TTC34: variants seen among roughly 807,000 people sequenced by gnomAD.
TTC34 encodes tetratricopeptide repeat protein 34.
A neutral mutation model predicts 40.7 loss-of-function variants in TTC34; 44 were observed. The observed-to-expected ratio is 1.08, with a 90% CI of 0.85 to 1.39. The LOEUF (loss-of-function observed/expected upper bound fraction) is 1.39, where lower values mean the gene tolerates loss of function less well. TTC34 is among the 40% of genes most tolerant of loss of function. The pLI, the probability that TTC34 is intolerant of heterozygous loss-of-function variation, is 0.00. For missense variants in TTC34, 884 were observed against 838.0 expected (o/e 1.05, Z -0.68); for synonymous variants, 422 against 398.6 (o/e 1.06, Z -0.70).
At chr1:2,775,589 C>T (rs1345243946) in intron 6 of TTC34, 1 of 148,770 alleles carries the variant, frequency 6.7e-6, no homozygotes, top group Non-Finnish European at 1.5e-5. Flanking sequence ...GGACAGCACC[C>T]CCACTCACAG....
chr1:2,752,355 G>C (rs1393498917), intron 6 of TTC34, among the ~76,000 whole-genome samples: 1 of 128,726 alleles, frequency 7.8e-6, no homozygotes. Context: ...CTGACCGCCT[G>C]GAACAGCACC....
intron 6 of TTC34, among the ~76,000 whole-genome samples, chr1:2,683,234 C>T (rs1158826657): frequency 6.7e-6 from 1 of 148,828 alleles, no homozygotes; most frequent in Non-Finnish European, 1.5e-5. Context: ...CCCACACCCC[C>T]AAGTGAGCAT....
chr1:2,652,059 T>C (rs1205110561), intron 6 of TTC34, among the ~76,000 whole-genome samples: 5 of 54,366 alleles, frequency 9.2e-5, no homozygotes, highest in African/African-American at 1.3e-4. Flanking sequence ...GGTGAGCATC[T>C]GACAGCCTGG....
At chr1:2,786,817 C>A (rs1396117819) in intron 4 of TTC34, among the ~76,000 whole-genome samples, 1 of 152,198 alleles carries the variant, frequency 6.6e-6, no homozygotes, top group Admixed American at 6.5e-5. Flanking sequence ...CTGCTGGCTG[C>A]TGGTGGGCAC....
chr1:2,791,880 G>A (rs1394502703), intron 2 of TTC34, among the ~76,000 whole-genome samples: 1 of 151,568 alleles, frequency 6.6e-6, no homozygotes, highest in East Asian at 1.9e-4. Context: ...CCCAGCCTCT[G>A]TTCATTTTTC....
intron 6 of TTC34, among the ~76,000 whole-genome samples, chr1:2,754,785 G>T (rs1641450096): frequency 6.6e-6 from 1 of 151,606 alleles, no homozygotes. Context: ...ACACCCACAG[G>T]TGAGCATCTG....
At chr1:2,652,165 C>T (rs1428091441) in intron 6 of TTC34, among the ~76,000 whole-genome samples, 1 of 145,972 alleles carries the variant, frequency 6.9e-6, no homozygotes, top group Non-Finnish European at 1.5e-5. Flanking sequence ...CAACCCACAC[C>T]CCCAGGTGAG....
exon 3 of TTC34, chr1:2,790,252 G>A: frequency 2.5e-6 from 1 of 398,464 alleles, no homozygotes; most frequent in Non-Finnish European, 4.4e-6. Flanking sequence ...TCTCGCGGAA[G>A]GCCTCCTGCA....
intron 6 of TTC34, among the ~76,000 whole-genome samples, chr1:2,675,160 C>A (rs1168155596): frequency 1.9e-4 from 16 of 86,146 alleles, no homozygotes; most frequent in South Asian, 1.0e-3. Flanking sequence ...AGCACCCACA[C>A]CCCCAGGGGA....
chr1:2,748,920 C>A lies in TTC34; in HGVS notation c.2226+34689G>T, dbSNP rs1220105629. Among the ~76,000 whole-genome samples the A allele has an allele frequency of 9.0e-5, 8 of 88,862 alleles. 2 individuals carry two copies. Among genetic ancestry groups the A allele is most frequent in the Admixed American group, 3.4e-4 (3 of 8,734 alleles). 58.3% of individuals were successfully genotyped at this position (88,862 alleles called of 152,430 possible). A position where few individuals can be genotyped will look rare whatever the true frequency, so the allele number is the denominator to read the frequency against. ...CTGACAGCCTGGAACAGAACCCACA[C>A]CGCCAGGGGAGTATCTGACAGACTG... On this transcript the variant is annotated intron_variant, in intron 6 of 8. Coordinates refer to ENST00000401095, the Ensembl canonical transcript of TTC34.
At chr1:2,684,750 C>A (rs1253335647) in intron 6 of TTC34, among the ~76,000 whole-genome samples, 3 of 117,908 alleles carry the variant, frequency 2.5e-5, no homozygotes, top group African/African-American at 3.8e-5. Context: ...TGGAACAGCA[C>A]CAAAAACCCC....
intron 6 of TTC34, among the ~76,000 whole-genome samples, chr1:2,682,879 A>G (rs1231295077): frequency 6.3e-4 from 71 of 112,314 alleles, no homozygotes; most frequent in South Asian, 1.9e-3. Context: ...CGCCCAGATG[A>G]GCATCTGACA....
intron 6 of TTC34, among the ~76,000 whole-genome samples, chr1:2,750,207 C>A (rs1443862728): frequency 3.4e-5 from 5 of 149,006 alleles, no homozygotes; most frequent in Non-Finnish European, 3.0e-5. Flanking sequence ...CCCACACCCC[C>A]AGGTGCGCAT....
At chr1:2,784,970 CACTCTGGGCCGCTCTGGGCT>C (rs1354099926) in intron 5 of TTC34, among the ~76,000 whole-genome samples, 30 of 141,088 alleles carry the variant, frequency 2.1e-4, no homozygotes, top group African/African-American at 6.9e-4. Flanking sequence ...TGCTCTGGGC[CACTCTGGGCCGCTCTGGGCT>C]GCTCTGGGCC....
At chr1:2,800,112 C>T in exon 2 of TTC34, 1 of 398,572 alleles carries the variant, frequency 2.5e-6, no homozygotes, top group Non-Finnish European at 4.4e-6. Context: ...GTCCTCAAAC[C>T]TGCCGCTGTG....
intron 6 of TTC34, among the ~76,000 whole-genome samples, chr1:2,652,512 A>AGT (rs1639180742): frequency 1.1e-4 from 3 of 28,198 alleles, no homozygotes; most frequent in Non-Finnish European, 7.4e-5. Context: ...ACGGCCTGCA[A>AGT]CAGCACCCAC....
At chr1:2,786,295 C>T (rs1643588175) in intron 4 of TTC34, among the ~76,000 whole-genome samples, 1 of 152,240 alleles carries the variant, frequency 6.6e-6, no homozygotes, top group Non-Finnish European at 1.5e-5. Flanking sequence ...CAGCCCCTGG[C>T]TGTGTGTCCA....
intron 6 of TTC34, among the ~76,000 whole-genome samples, chr1:2,698,796 C>T (rs1295987078): frequency 6.7e-6 from 1 of 149,142 alleles, no homozygotes; most frequent in Non-Finnish European, 1.5e-5. Context: ...CATCGTGGAG[C>T]AGCACCCCAC....
chr1:2,655,549 G>GACAGCCTGCAACAGCTCTC, intron 6 of TTC34, among the ~76,000 whole-genome samples: 1 of 128,346 alleles, frequency 7.8e-6, no homozygotes, highest in South Asian at 2.4e-4. Context: ...GTGAGCATCT[G>GACAGCCTGCAACAGCTCTC]ACAGCCTGCA....
Sources: gnomAD v4.1 joint callset for allele counts (sites outside exome capture counted in the v4.1 genomes callset) on GRCh38, gnomAD v4.1.1 for gene constraint, MANE v1.5 for transcripts, NCBI Gene and HGNC (gene_info 2026-07-23, HGNC 2026-07-21) for gene names.